The following EMC10 variants were observed in gnomAD, a reference collection of about 807,000 sequenced individuals.
The protein encoded by EMC10 is UPF0510 protein INM02.
EMC10 carries 40 observed loss-of-function variants against 32.2 expected under a neutral mutation model. The ratio of observed to expected loss-of-function variants is 1.24; its 90% confidence interval spans 0.96 to 1.61. The LOEUF is 1.61. EMC10 is among the 40% of genes most tolerant of loss of function. EMC10 has a pLI of 0.00. For missense variants in EMC10, 402 were observed against 357.7 expected (o/e 1.12, Z -1.00); for synonymous variants, 178 against 158.4 (o/e 1.12, Z -0.93).
Position 50,480,607 on chromosome 19 carries a change from G to C in EMC10, c.429G>C (p.Ser143=), listed in dbSNP as rs746109052. 1.3e-6 allele frequency: 2 copies of C among 1,565,536 alleles called. No homozygotes were observed. Among genetic ancestry groups the C allele is most frequent in the African/African-American group, 1.4e-5 (1 of 73,800 alleles). ...PACSLVESHL[S]DQLTLHVDVA... is the part of the protein sequence containing the mutation. ...GCTCCCTGGTGGAGTCGCACCTGTCGGACCAGCTGACCCTGCACGTGGATG... is the reference window on the plus strand; with the variant it reads ...GCTCCCTGGTGGAGTCGCACCTGTCCGACCAGCTGACCCTGCACGTGGATG... The change falls in exon 5 of 7, where the codon TCG becomes TCC. Residue 143 remains serine, a synonymous_variant. Coordinates refer to ENST00000334976, the MANE Select transcript of EMC10 (RefSeq NM_206538.4). This position sits in a 1 kb window ranked among gnomAD's most constrained non-coding sequence, Gnocchi z 4.4.
chr19:50,477,101 T>TAAAAAA (rs55816439), intron 1 of EMC10: 6 of 141,088 alleles, frequency 4.3e-5, no homozygotes, highest in African/African-American at 1.3e-4. Flanking sequence ...CAAAAAATAC[T>TAAAAAA]AAAAAAAAAA....
rs1370220918 is a variant in EMC10, at chr19:50,485,057, A to G, written c.*2798A>G. The G allele has an allele frequency of 6.6e-6, 1 of 152,144 alleles. No individual in the cohort carries two copies. Among genetic ancestry groups the G allele is most frequent in the Non-Finnish European group, 1.5e-5 (1 of 68,018 alleles). The allele number at this position is 152,144 out of a possible 1,614,324, so 9.4% of individuals were successfully genotyped here. A position where few individuals can be genotyped will look rare whatever the true frequency, so the allele number is the denominator to read the frequency against. On this transcript the variant is annotated 3_prime_UTR_variant, in exon 7 of 7. Transcript: ENST00000334976. Reference sequence around the variant, plus strand: ...AGCTGGGGCAGTTTCCATCTCTGGTATAAGGTGCCATCTTATTCCATCTCT... The same window carrying G: ...AGCTGGGGCAGTTTCCATCTCTGGTGTAAGGTGCCATCTTATTCCATCTCT...
rs1022618958 is a variant in EMC10 at position 50,484,458 on chromosome 19, C to T, written c.*2199C>T. Reference sequence around the variant, plus strand: ...GGTTAAACATTGGGATCTTTATAAACCTGATTATGTCCTTTCCCTCTAAGT... The same window carrying T: ...GGTTAAACATTGGGATCTTTATAAATCTGATTATGTCCTTTCCCTCTAAGT... On this transcript the variant is annotated 3_prime_UTR_variant, in exon 7 of 7. Transcript: ENST00000334976. 6.6e-6 allele frequency: 1 copy of T among 152,182 alleles called. No individual in the cohort carries two copies. Among genetic ancestry groups the T allele is most frequent in the Admixed American group, 6.5e-5 (1 of 15,270 alleles). The allele number at this position is 152,182 out of a possible 1,614,324, so 9.4% of individuals were successfully genotyped here.
Position 50,483,407 on chromosome 19 carries a change from A to G in EMC10, c.*1148A>G, listed in dbSNP as rs539515245. 4.5e-6 allele frequency: 1 copy of G among 223,664 alleles called. No individual in the cohort carries two copies. The highest frequency in any genetic ancestry group is 5.3e-5 in the South Asian group (1 of 18,872). The allele number at this position is 223,664 out of a possible 1,614,324, so 13.9% of individuals were successfully genotyped here. On this transcript the variant is annotated 3_prime_UTR_variant, in exon 7 of 7. Coordinates refer to ENST00000334976, the MANE Select transcript of EMC10 (RefSeq NM_206538.4). ...AGCACCCTAGTGAGTGCTGTCGTCCAGTCTCTCTTGGGTGTGGTTTGAATG... is the reference window on the plus strand; with the variant it reads ...AGCACCCTAGTGAGTGCTGTCGTCCGGTCTCTCTTGGGTGTGGTTTGAATG...
intron 1 of EMC10, 82 bp downstream of exon 1, chr19:50,476,740 A>G: frequency 1.1e-6 from 1 of 890,320 alleles, no homozygotes; most frequent in South Asian, 1.8e-5. Flanking sequence ...TACAGACGGA[A>G]GGAGGCTGCG....
intron 6 of EMC10, 170 bp from the exon 7 acceptor site, chr19:50,481,979 C>T: frequency 6.2e-7 from 1 of 1,604,824 alleles, no homozygotes; most frequent in Non-Finnish European, 8.5e-7. Flanking sequence ...CCTCCCTGCG[C>T]CCCACTGGCC....
Position 50,482,544 on chromosome 19 carries a change from C to A in EMC10, c.*285C>A, listed in dbSNP as rs1051850647. On this transcript the variant is annotated 3_prime_UTR_variant, in exon 7 of 7. Transcript: ENST00000334976. ...TGCCCATGGAGTAGAGCCCGAGATC[C>A]TGGCCACTATGCCAGTTCTGACCTC... The A allele has an allele frequency of 3.6e-6, 2 of 551,988 alleles. No individual in the cohort carries two copies. Among genetic ancestry groups the A allele is most frequent in the Non-Finnish European group, 6.4e-6 (2 of 313,992 alleles). The allele number at this position is 551,988 out of a possible 1,614,324, so 34.2% of individuals were successfully genotyped here.
At position 50,482,403 on chromosome 19, in the gene EMC10, T is replaced by C. The variant is rs544590955; in HGVS notation, c.*144T>C. On this transcript the variant is annotated 3_prime_UTR_variant, in exon 7 of 7. Coordinates refer to ENST00000334976, the MANE Select transcript of EMC10 (RefSeq NM_206538.4). ...CACGAGGCCACCTGGGCCAGCCCCT[T>C]GTCCTCTGCCTTCTGCTGGCAGAGG... 18 of 600,828 alleles carry C rather than the reference T, an allele frequency of 3.0e-5. No homozygotes were observed. In the East Asian group the frequency reaches 4.8e-4, roughly 16 times the overall value. 37.2% of individuals were successfully genotyped at this position (600,828 alleles called of 1,614,324 possible). A position where few individuals can be genotyped will look rare whatever the true frequency, so the allele number is the denominator to read the frequency against.
rs956159134 is a variant in EMC10, at chr19:50,488,573, A to C, written c.*6314A>C. 5.5e-5 allele frequency: 2 copies of C among 36,464 alleles called. No homozygotes were observed. The highest frequency in any genetic ancestry group is 7.1e-4 in the Admixed American group (2 of 2,808). The allele number at this position is 36,464 out of a possible 1,614,324, so 2.3% of individuals were successfully genotyped here. On this transcript the variant is annotated 3_prime_UTR_variant, in exon 7 of 7. Coordinates refer to ENST00000334976, the MANE Select transcript of EMC10 (RefSeq NM_206538.4). ...GTGGGGGAGAGGGTGTTGGGGGAGA[A>C]GAGGGTGGGGGAGAGGGGGCCCCGG...
In EMC10 at chr19:50,480,266, C is replaced by T; in HGVS notation, c.402+51C>T. The T allele has an allele frequency of 2.0e-6, 3 of 1,528,196 alleles. No individual in the cohort carries two copies. The highest frequency in any genetic ancestry group is 2.7e-6 in the Non-Finnish European group (3 of 1,113,876). 94.7% of individuals were successfully genotyped at this position (1,528,196 alleles called of 1,614,324 possible). The stretch of plus-strand genomic sequence containing the variant: ...CCTTCTCCCTCGTCCTCCTCATCCC[C>T]TACCCTGGTCCTGCTTCCACCATTC... On this transcript the variant is annotated intron_variant, in intron 4 of 6. Coordinates refer to ENST00000334976, the MANE Select transcript of EMC10 (RefSeq NM_206538.4). This position sits in a 1 kb window ranked among gnomAD's most constrained non-coding sequence, Gnocchi z 4.4.
Position 50,482,469 on chromosome 19 carries a change from C to G in EMC10, c.*210C>G. On this transcript the variant is annotated 3_prime_UTR_variant, in exon 7 of 7. Transcript: ENST00000334976. ...GCCTTTGGCACAGCAGCCGGTGTCTCCTGCGCCCGCCTCCCCCATGGCCCC... is the reference window on the plus strand; with the variant it reads ...GCCTTTGGCACAGCAGCCGGTGTCTGCTGCGCCCGCCTCCCCCATGGCCCC... 1 of 587,418 alleles carries G rather than the reference C, an allele frequency of 1.7e-6. No homozygotes were observed. The highest frequency in any genetic ancestry group is 3.0e-6 in the Non-Finnish European group (1 of 331,004). 36.4% of individuals were successfully genotyped at this position (587,418 alleles called of 1,614,324 possible).
chr19:50,482,161 A>G lies in EMC10; in HGVS notation c.691A>G (p.Ile231Val). 1 of 1,484,406 alleles carries G rather than the reference A, an allele frequency of 6.7e-7. No individual in the cohort carries two copies. Among genetic ancestry groups the G allele is most frequent in the South Asian group, 1.1e-5 (1 of 89,208 alleles). 92.0% of individuals were successfully genotyped at this position (1,484,406 alleles called of 1,614,324 possible). A position where few individuals can be genotyped will look rare whatever the true frequency, so the allele number is the denominator to read the frequency against. ...CGTCCGGCTGCAGTGGATGTACATC[A>G]TTCCCGTCGTCCTGTTCCTCATGAT... ...SFFAKYWMYI[I>V]PVVLFLMMSG... The change falls in exon 7 of 7, where the codon ATT (isoleucine) becomes GTT (valine). Residue 231 changes from isoleucine (I) to valine (V), a missense_variant. Coordinates refer to ENST00000334976, the MANE Select transcript of EMC10 (RefSeq NM_206538.4).
chr19:50,482,334 G>C lies in EMC10; in HGVS notation c.*75G>C, dbSNP rs534227424. On this transcript the variant is annotated 3_prime_UTR_variant, in exon 7 of 7. Transcript: ENST00000334976. ...TCTGCTGGAGTCCCCTGTGTCCTCA[G>C]CCATCCCAAGAAGGGTTTGCTGGTC... The C allele has an allele frequency of 1.8e-5, 12 of 685,144 alleles. No individual in the cohort carries two copies. The African/African-American group carries it at 2.1e-4, about 12-fold the overall frequency. The allele number at this position is 685,144 out of a possible 1,614,324, so 42.4% of individuals were successfully genotyped here.
Position 50,479,042 on chromosome 19 carries a change from CGAG to C in EMC10, c.280_282del (p.Glu94del), listed in dbSNP as rs2040275707. ...TGTCCCTGTCACAGCGGCAGCTCAG[CGAG>C]GAGGAGCGGGGCCGACTCCGGGTGA... On this transcript the variant is annotated inframe_deletion, in exon 3 of 7. Transcript: ENST00000334976. 8.7e-6 allele frequency: 14 copies of C among 1,608,032 alleles called. No individual in the cohort carries two copies. Among genetic ancestry groups the C allele is most frequent in the Non-Finnish European group, 1.2e-5 (14 of 1,178,236 alleles).
rs556685366 is a variant in EMC10, at chr19:50,486,910, C to T, written c.*4651C>T. The stretch of plus-strand genomic sequence containing the variant: ...CTCCCCTCCTTCCACCCAGTATCCC[C>T]TGTTCCTCCCCCAGGCATTCTGGTC... On this transcript the variant is annotated 3_prime_UTR_variant, in exon 7 of 7. Coordinates refer to ENST00000334976, the MANE Select transcript of EMC10 (RefSeq NM_206538.4). The T allele has an allele frequency of 1.3e-5, 2 of 151,926 alleles. No individual in the cohort carries two copies. The highest frequency in any genetic ancestry group is 2.9e-5 in the Non-Finnish European group (2 of 68,040). The allele number at this position is 151,926 out of a possible 1,614,324, so 9.4% of individuals were successfully genotyped here.
rs982807041 is a variant in EMC10 at position 50,486,690 on chromosome 19, C to T, written c.*4431C>T. ...ATCTCCCAAACAGGTTTGTGTGAAC[C>T]AAATTCCATTTTCCTTTGTTTCCCA... On this transcript the variant is annotated 3_prime_UTR_variant, in exon 7 of 7. Transcript: ENST00000334976. The T allele has an allele frequency of 6.6e-6, 1 of 152,116 alleles. No individual in the cohort carries two copies. Among genetic ancestry groups the T allele is most frequent in the Non-Finnish European group, 1.5e-5 (1 of 68,024 alleles). 9.4% of individuals were successfully genotyped at this position (152,116 alleles called of 1,614,324 possible).
chr19:50,476,643 G>T lies in EMC10; in HGVS notation c.99G>T (p.Gly33=). ...CCCGGGGCAGCGGCTGCCGGGCCGG[G>T]ACTGGTGCGCGAGGGGTGAGTGCTC... ...SRARGSGCRA[G]TGARGAGAEG... The change falls in exon 1 of 7, where the codon GGG becomes GGT. Residue 33 remains glycine, a synonymous_variant. Coordinates refer to ENST00000334976, the MANE Select transcript of EMC10 (RefSeq NM_206538.4). 1 of 1,540,476 alleles carries T rather than the reference G, an allele frequency of 6.5e-7. No individual in the cohort carries two copies. The highest frequency in any genetic ancestry group is 1.2e-5 in the South Asian group (1 of 84,018).
In EMC10 at chr19:50,483,387, C is replaced by G. The variant is rs1418352863; in HGVS notation, c.*1128C>G. ...TGCATTGTATGGTTATAAATAGCAC[C>G]CTAGTGAGTGCTGTCGTCCAGTCTC... On this transcript the variant is annotated 3_prime_UTR_variant, in exon 7 of 7. Transcript: ENST00000334976. The G allele has an allele frequency of 4.0e-6, 1 of 248,680 alleles. No homozygotes were observed. The highest frequency in any genetic ancestry group is 8.1e-6 in the Non-Finnish European group (1 of 123,708). The allele number at this position is 248,680 out of a possible 1,614,324, so 15.4% of individuals were successfully genotyped here.
At chr19:50,479,132 A>C (rs1601324524) in intron 3 of EMC10, 66 bp downstream of exon 3, 2 of 1,299,416 alleles carry the variant, frequency 1.5e-6, no homozygotes. Flanking sequence ...CTCTTCAGCC[A>C]CCCCCTGCTG....
Sources: allele counts gnomAD v4.1 joint callset, GRCh38; gene constraint gnomAD v4.1.1; non-coding constraint Gnocchi (gnomAD v3.1); transcripts MANE v1.5; gene names NCBI Gene and HGNC (gene_info 2026-07-23, HGNC 2026-07-21).